LRRC4C: variants seen among roughly 807,000 people sequenced by gnomAD.
LRRC4C encodes the protein leucine-rich repeat-containing protein 4C.
In LRRC4C, 5 loss-of-function variants were observed where a neutral mutation model predicts 33.6. That is an observed-to-expected ratio of 0.15 (90% CI 0.08 to 0.31). The LOEUF is 0.31. Ranked by LOEUF, LRRC4C falls within the 10% of genes least tolerant of loss-of-function variation. The pLI is 1.00. For missense variants in LRRC4C, 560 were observed against 796.7 expected, an observed-to-expected ratio of 0.70 and a Z score of 3.58; for synonymous variants, 329 against 302.0, an observed-to-expected ratio of 1.09 and a Z score of -0.93.
intron 1 of LRRC4C, among the ~76,000 whole-genome samples, chr11:40,989,407 AC>A (rs1208176057): frequency 6.6e-6 from 1 of 152,092 alleles, no homozygotes; most frequent in African/African-American, 2.4e-5. Context: ...ACTGCTGTTC[AC>A]CATGGTTAAG....
At chr11:41,132,690 C>T (rs1433109450) in intron 1 of LRRC4C, among the ~76,000 whole-genome samples, 5 of 152,026 alleles carry the variant, frequency 3.3e-5, no homozygotes, top group Non-Finnish European at 7.4e-5. Context: ...CTACTATGAT[C>T]ATTTTTATTT....
intron 1 of LRRC4C, among the ~76,000 whole-genome samples, chr11:41,036,433 A>C (rs1203842376): frequency 6.6e-6 from 1 of 152,130 alleles, no homozygotes; most frequent in Non-Finnish European, 1.5e-5. Flanking sequence ...TTGAACTGTT[A>C]CTTCATTTTA....
intron 3 of LRRC4C, among the ~76,000 whole-genome samples, chr11:40,486,278 C>A (rs1290602071): frequency 2.0e-5 from 3 of 151,308 alleles, no homozygotes; most frequent in Non-Finnish European, 4.4e-5. Flanking sequence ...TTCTTTTTGC[C>A]AAAAGACAAA....
intron 1 of LRRC4C, among the ~76,000 whole-genome samples, chr11:41,083,619 A>G (rs369879285): frequency 2.3e-4 from 35 of 152,222 alleles, no homozygotes; most frequent in East Asian, 3.8e-4. Flanking sequence ...TGTGATATCA[A>G]AATGAGACTT....
chr11:40,992,814 A>T (rs1242486055), intron 1 of LRRC4C, among the ~76,000 whole-genome samples: 1 of 152,152 alleles, frequency 6.6e-6, no homozygotes, highest in Non-Finnish European at 1.5e-5. Context: ...CTTCCTCATA[A>T]CAATATTGAG....
chr11:41,017,534 A>C (rs7125467), intron 1 of LRRC4C, among the ~76,000 whole-genome samples: 84,388 of 151,798 alleles, frequency 0.56, 23,882 homozygotes, highest in South Asian at 0.64. Flanking sequence ...TTGTTTAATC[A>C]GTGTCAATTA....
chr11:41,434,848 A>G (rs1052948770), intron 1 of LRRC4C, among the ~76,000 whole-genome samples: 76 of 152,254 alleles, frequency 5.0e-4, no homozygotes, highest in African/African-American at 1.8e-3. Context: ...CAGCATTTAT[A>G]TCATGCTGGC....
chr11:41,312,872 G>A (rs776463990), intron 1 of LRRC4C, among the ~76,000 whole-genome samples: 1 of 152,122 alleles, frequency 6.6e-6, no homozygotes, highest in Non-Finnish European at 1.5e-5. Flanking sequence ...TTGAGTTTTG[G>A]TTTTGTTGGC....
intron 3 of LRRC4C, among the ~76,000 whole-genome samples, chr11:40,581,224 T>C (rs1958450961): frequency 6.6e-6 from 1 of 152,348 alleles, no homozygotes; most frequent in East Asian, 1.9e-4. Context: ...GAAGCTCCAG[T>C]GAAAACCATA....
intron 3 of LRRC4C, among the ~76,000 whole-genome samples, chr11:40,512,099 G>T (rs1955346398): frequency 6.6e-6 from 1 of 152,090 alleles, no homozygotes; most frequent in East Asian, 1.9e-4. Context: ...ATCCTAAATA[G>T]CAAGAATCCA....
chr11:41,401,054 G>A (rs577331511), intron 1 of LRRC4C, among the ~76,000 whole-genome samples: 1 of 151,924 alleles, frequency 6.6e-6, no homozygotes, highest in Non-Finnish European at 1.5e-5. Context: ...GCCAAATATT[G>A]TAATATGATA....
At chr11:40,171,820 C>T (rs1590609348) in intron 5 of LRRC4C, among the ~76,000 whole-genome samples, 1 of 152,094 alleles carries the variant, frequency 6.6e-6, no homozygotes, top group Non-Finnish European at 1.5e-5. Flanking sequence ...ATTATCTTTC[C>T]GTACCACCAT....
At position 41,336,907 on chromosome 11, in the gene LRRC4C, A is replaced by G. The variant is rs531597405; in HGVS notation, c.-496+122524T>C. ...TAAAATAGTTTAATGCAATAAACAC[A>G]TCAGACACAGAGAAACAGAGGCATG... On this transcript the variant is annotated intron_variant, in intron 1 of 6. Transcript: ENST00000528697. Among the ~76,000 whole-genome samples, 25 of 152,308 alleles carry G rather than the reference A, an allele frequency of 1.6e-4. No individual in the cohort carries two copies. The East Asian group carries it at 4.8e-3, about 29-fold the overall frequency.
Position 40,393,081 on chromosome 11 carries a change from G to C in LRRC4C, c.-269-73360C>G, listed in dbSNP as rs537217408. 2.0e-5 allele frequency among the ~76,000 whole-genome samples: 3 copies of C among 151,996 alleles called. No homozygotes were observed. In the South Asian group the frequency reaches 6.3e-4, roughly 32 times the overall value. ...CTCAGAGAGAATGCAATCTTACTAG[G>C]GAGCTAAGACAATTCAGAAGAGAAA... On this transcript the variant is annotated intron_variant, in intron 3 of 6. Transcript: ENST00000528697.
chr11:40,924,996 C>A (rs986648764), intron 2 of LRRC4C, among the ~76,000 whole-genome samples: 2 of 152,066 alleles, frequency 1.3e-5, no homozygotes, highest in African/African-American at 4.8e-5. Flanking sequence ...TTGTATTTCT[C>A]CAAGCCAAGA....
intron 1 of LRRC4C, among the ~76,000 whole-genome samples, chr11:41,252,089 T>A (rs1281766630): frequency 6.6e-6 from 1 of 152,078 alleles, no homozygotes; most frequent in African/African-American, 2.4e-5. Context: ...AAGAAGGCAC[T>A]ACATGGAATT....
chr11:40,563,817 T>A (rs2135521716), intron 3 of LRRC4C, among the ~76,000 whole-genome samples: 1 of 152,284 alleles, frequency 6.6e-6, no homozygotes, highest in South Asian at 2.1e-4. Context: ...GTTACCCAAC[T>A]CTTTCAAATA....
At chr11:40,932,817 G>C (rs144637985) in intron 2 of LRRC4C, among the ~76,000 whole-genome samples, 2 of 152,166 alleles carry the variant, frequency 1.3e-5, no homozygotes, top group African/African-American at 2.4e-5. Flanking sequence ...TGCTGAAAGA[G>C]CTGGAACATT....
chr11:40,526,227 A>G (rs1956044311), intron 3 of LRRC4C, among the ~76,000 whole-genome samples: 1 of 152,210 alleles, frequency 6.6e-6, no homozygotes, highest in Non-Finnish European at 1.5e-5. Flanking sequence ...TAAAAACGTG[A>G]TAAATCAGAC....
Sources: gnomAD v4.1 joint callset for allele counts (sites outside exome capture counted in the v4.1 genomes callset) on GRCh38, gnomAD v4.1.1 for gene constraint, MANE v1.5 for transcripts, NCBI Gene and HGNC (gene_info 2026-07-23, HGNC 2026-07-21) for gene names.